The following NSUN6 variants were observed in gnomAD, a reference collection of about 807,000 sequenced individuals.
NSUN6 encodes tRNA (cytosine(72)-C(5))-methyltransferase NSUN6.
Under a neutral mutation model 58.0 loss-of-function variants are expected in NSUN6, and 64 were observed. The observed-to-expected ratio is 1.10, with a 90% CI of 0.90 to 1.36. The LOEUF is 1.36. Among genes scored for constraint, NSUN6 ranks in the 40% most tolerant of loss-of-function variants. The pLI is 0.00. For missense variants in NSUN6, 701 were observed against 550.1 expected, an observed-to-expected ratio of 1.27 and a Z score of -2.74; for synonymous variants, 231 against 193.9, an observed-to-expected ratio of 1.19 and a Z score of -1.59.
chr10:18,546,003 A>ATGTCT lies in NSUN6; in HGVS notation c.1335_1339dup (p.Met447LysfsTer12). The ATGTCT allele has an allele frequency of 6.3e-7, 1 of 1,582,904 alleles. No individual in the cohort carries two copies. Reference sequence around the variant, plus strand: ...AGAGTCCTTATTAGCCAGACGCAACATGTCTTCTCTTCTGGCCTCTCTAAG... The same window carrying ATGTCT: ...AGAGTCCTTATTAGCCAGACGCAACATGTCTTGTCTTCTCTTCTGGCCTCTCTAAG... On this transcript the variant is annotated frameshift_variant, in exon 11 of 11. Transcript: ENST00000377304. LOFTEE classifies it high-confidence loss of function.
intron 6 of NSUN6, 151 bp downstream of exon 6, chr10:18,609,694 A>G (rs912368103): frequency 5.9e-5 from 28 of 474,606 alleles, no homozygotes; most frequent in Non-Finnish European, 9.1e-5. Context: ...GAATGCTTGT[A>G]AAGTTTTTTC....
chr10:18,597,723 G>A (rs372001728), intron 6 of NSUN6, among the ~76,000 whole-genome samples: 2 of 152,184 alleles, frequency 1.3e-5, no homozygotes, highest in South Asian at 2.1e-4. Flanking sequence ...CAGAGATAGC[G>A]TCAATGCACT....
chr10:18,569,921 A>G (rs2056238000), intron 8 of NSUN6, among the ~76,000 whole-genome samples: 2 of 136,702 alleles, frequency 1.5e-5, no homozygotes, highest in South Asian at 4.5e-4. Flanking sequence ...TCTCCATTCC[A>G]TTCCTTTCCT....
rs2058196843 is a variant in NSUN6, at chr10:18,610,569, A to G, written c.576-643T>C. ...CTACTTCCTGTCAGCTCTTTATAGA[A>G]TAATTGCCTGGTACTGACACAATCC... On this transcript the variant is annotated intron_variant, in intron 5 of 10. Transcript: ENST00000377304. Among the ~76,000 whole-genome samples the G allele has an allele frequency of 2.0e-5, 3 of 152,182 alleles. 1 individual carries two copies. Among genetic ancestry groups the G allele is most frequent in the Admixed American group, 2.0e-4 (3 of 15,278 alleles).
At chr10:18,637,009 C>G (rs1470104709) in intron 3 of NSUN6, among the ~76,000 whole-genome samples, 1 of 146,232 alleles carries the variant, frequency 6.8e-6, no homozygotes, top group Non-Finnish European at 1.5e-5. Context: ...ATCGTCCGGG[C>G]TCCAGTGCAA....
intron 6 of NSUN6, among the ~76,000 whole-genome samples, chr10:18,606,472 A>AT (rs1302944822): frequency 1.3e-5 from 2 of 152,218 alleles, no homozygotes; most frequent in Non-Finnish European, 2.9e-5. Context: ...ATAGGACATT[A>AT]TGAGAAAAAC....
chr10:18,643,176 A>AG (rs2059438915), intron 2 of NSUN6, among the ~76,000 whole-genome samples: 1 of 151,838 alleles, frequency 6.6e-6, no homozygotes, highest in Non-Finnish European at 1.5e-5. Flanking sequence ...TTTATACCAC[A>AG]GAAATCAACA....
intron 7 of NSUN6, among the ~76,000 whole-genome samples, chr10:18,594,382 T>C (rs1208503127): frequency 6.6e-6 from 1 of 152,118 alleles, no homozygotes; most frequent in East Asian, 1.9e-4. Context: ...ATGCAGACAA[T>C]TTGTAAATAT....
At chr10:18,585,082 T>C (rs1398517424) in intron 8 of NSUN6, among the ~76,000 whole-genome samples, 1 of 150,604 alleles carries the variant, frequency 6.6e-6, no homozygotes, top group Non-Finnish European at 1.5e-5. Context: ...TCGCTAATCA[T>C]CAGGAAAATG....
At chr10:18,569,939 T>C (rs749506475) in intron 8 of NSUN6, among the ~76,000 whole-genome samples, 2 of 150,010 alleles carry the variant, frequency 1.3e-5, no homozygotes, top group Non-Finnish European at 1.5e-5. Context: ...CCTTTCTCTA[T>C]TGCACTCCAT....
chr10:18,552,954 CA>C (rs755118952), intron 8 of NSUN6, among the ~76,000 whole-genome samples: 7 of 151,072 alleles, frequency 4.6e-5, no homozygotes, highest in Non-Finnish European at 8.9e-5. Flanking sequence ...CTCAATTCTC[CA>C]TTACATTCCA....
intron 8 of NSUN6, among the ~76,000 whole-genome samples, chr10:18,553,715 AAATGGAGAATGG>A (rs61728473): frequency 0.32 from 47,351 of 149,540 alleles, 8,391 homozygotes; most frequent in East Asian, 0.73. Context: ...GAAATGTAAC[AAATGGAGAATGG>A]AATGGAGAAT....
At chr10:18,606,145 G>A (rs1278047272) in intron 6 of NSUN6, among the ~76,000 whole-genome samples, 1 of 152,150 alleles carries the variant, frequency 6.6e-6, no homozygotes, top group Non-Finnish European at 1.5e-5. Context: ...TTCTTTGTAT[G>A]ATGGTTCCCA....
At chr10:18,564,438 C>A (rs1455436187) in intron 8 of NSUN6, among the ~76,000 whole-genome samples, 2 of 149,314 alleles carry the variant, frequency 1.3e-5, no homozygotes, top group African/African-American at 2.5e-5. Context: ...TTCCATTCCA[C>A]TCTCTATTCC....
chr10:18,644,543 C>T (rs1444233521), intron 2 of NSUN6, among the ~76,000 whole-genome samples: 1 of 148,072 alleles, frequency 6.8e-6, no homozygotes, highest in Non-Finnish European at 1.5e-5. Flanking sequence ...TGAGTAAGTA[C>T]AAGAAAATGT....
chr10:18,591,698 T>C (rs1191479487), intron 7 of NSUN6, among the ~76,000 whole-genome samples: 3 of 152,110 alleles, frequency 2.0e-5, no homozygotes, highest in Admixed American at 1.3e-4. Context: ...CTCAATAAAC[T>C]AGGTATTGAT....
At chr10:18,657,213 TAATC>T (rs777291058), upstream of NSUN6, among the ~76,000 whole-genome samples, 107 of 152,320 alleles carry the variant, frequency 7.0e-4, 1 homozygote, top group Non-Finnish European at 1.2e-3. Flanking sequence ...TATATTCTGT[TAATC>T]AATCATATTA....
chr10:18,582,266 A>AC (rs2056937548), intron 8 of NSUN6, among the ~76,000 whole-genome samples: 1 of 152,146 alleles, frequency 6.6e-6, no homozygotes, highest in Non-Finnish European at 1.5e-5. Flanking sequence ...CAACTGCCTG[A>AC]CCGTCACCTG....
intron 3 of NSUN6, 126 bp downstream of exon 3, chr10:18,642,350 T>G (rs1180007513): frequency 1.7e-6 from 1 of 594,696 alleles, no homozygotes; most frequent in Admixed American, 3.0e-5. Flanking sequence ...AAGTTTTGAA[T>G]TCCTGTTATC....
Sources: allele counts gnomAD v4.1 joint callset (sites outside exome capture counted in the v4.1 genomes callset), GRCh38; gene constraint gnomAD v4.1.1; transcripts MANE v1.5; gene names NCBI Gene and HGNC (gene_info 2026-07-23, HGNC 2026-07-21).